MYO9A: variants seen among roughly 807,000 people sequenced by gnomAD.
The protein encoded by MYO9A is unconventional myosin-IXa.
A neutral mutation model predicts 293.3 loss-of-function variants in MYO9A; 103 were observed. The ratio of observed to expected loss-of-function variants is 0.35; its 90% confidence interval spans 0.30 to 0.41. The LOEUF (loss-of-function observed/expected upper bound fraction) is 0.41, where lower values mean the gene tolerates loss of function less well. Among genes scored for constraint, MYO9A ranks in the 10% least tolerant of loss-of-function variants. The pLI, the probability that MYO9A is intolerant of heterozygous loss-of-function variation, is 1.00. For synonymous variants in MYO9A, 1,001 were observed against 1,035.7 expected (o/e 0.97, Z 0.64); for missense variants, 2,685 against 3,033.0 (o/e 0.89, Z 2.69).
At chr15:71,883,384 A>G (rs2056930313) in intron 28 of MYO9A, among the ~76,000 whole-genome samples, 1 of 152,130 alleles carries the variant, frequency 6.6e-6, no homozygotes, top group Non-Finnish European at 1.5e-5. Context: ...TTGCTGCTTC[A>G]TTGTTTTGTG....
intron 3 of MYO9A, among the ~76,000 whole-genome samples, chr15:72,031,190 A>G (rs1174589147): frequency 6.6e-6 from 1 of 152,198 alleles, no homozygotes; most frequent in Non-Finnish European, 1.5e-5. Context: ...CCCTGGCACC[A>G]AAAAGGTTGG....
chr15:72,006,946 A>T (rs2077034553), intron 8 of MYO9A, among the ~76,000 whole-genome samples: 1 of 152,208 alleles, frequency 6.6e-6, no homozygotes, highest in Non-Finnish European at 1.5e-5. Flanking sequence ...ACTGGAATTA[A>T]ACAAATAAGT....
intron 1 of MYO9A, among the ~76,000 whole-genome samples, chr15:72,070,042 T>C (rs966901279): frequency 6.7e-6 from 1 of 148,242 alleles, no homozygotes; most frequent in Non-Finnish European, 1.5e-5. Flanking sequence ...GGCAGGGGAA[T>C]CACTTGAACC....
intron 13 of MYO9A, among the ~76,000 whole-genome samples, chr15:71,960,767 G>C (rs1015281795): frequency 2.0e-5 from 3 of 152,054 alleles, no homozygotes; most frequent in East Asian, 1.9e-4. Context: ...CTCTGGTCAG[G>C]GACAGCCTCT....
At chr15:72,082,590 C>T (rs1468744465) in intron 1 of MYO9A, among the ~76,000 whole-genome samples, 1 of 151,970 alleles carries the variant, frequency 6.6e-6, no homozygotes, top group Admixed American at 6.6e-5. Context: ...TTGAATTAGG[C>T]AGTGATGGAG....
chr15:71,851,218 C>G, intron 37 of MYO9A, 35 bp downstream of exon 37: 2 of 1,459,200 alleles, frequency 1.4e-6, no homozygotes, highest in Middle Eastern at 3.6e-4. Context: ...CCAAGAGAAA[C>G]TATTAAAAAT....
intron 4 of MYO9A, among the ~76,000 whole-genome samples, chr15:72,022,296 T>G (rs1044221003): frequency 2.6e-5 from 4 of 151,904 alleles, no homozygotes; most frequent in Non-Finnish European, 5.9e-5. Context: ...CTGAGGTGGG[T>G]GGATCACGAG....
intron 28 of MYO9A, among the ~76,000 whole-genome samples, chr15:71,882,331 AG>A (rs1305046787): frequency 6.6e-6 from 1 of 152,224 alleles, no homozygotes; most frequent in African/African-American, 2.4e-5. Context: ...ACCTGAGAAA[AG>A]GGCTTGAGAA....
At chr15:71,995,360 C>T (rs1193623774) in intron 9 of MYO9A, among the ~76,000 whole-genome samples, 1 of 152,122 alleles carries the variant, frequency 6.6e-6, no homozygotes, top group Non-Finnish European at 1.5e-5. Flanking sequence ...TTCGGCTTGT[C>T]ACCCATAGAA....
At chr15:72,103,241 C>CAGCAGCAGA in intron 1 of MYO9A, among the ~76,000 whole-genome samples, 1 of 145,898 alleles carries the variant, frequency 6.9e-6, no homozygotes, top group East Asian at 2.1e-4. Context: ...GCAGCAGAAG[C>CAGCAGCAGA]AGCAGCAGCA....
intron 18 of MYO9A, among the ~76,000 whole-genome samples, chr15:71,927,145 C>G (rs2058334348): frequency 6.6e-6 from 1 of 152,198 alleles, no homozygotes; most frequent in African/African-American, 2.4e-5. Flanking sequence ...GTAGGCTGAT[C>G]CTCAGGCCCT....
At chr15:71,901,385 G>C in intron 22 of MYO9A, 45 bp from the exon 23 acceptor site, 2 of 1,556,836 alleles carry the variant, frequency 1.3e-6, no homozygotes, top group Non-Finnish European at 1.7e-6. Flanking sequence ...AAGAAGAAAT[G>C]AGAAATTTAT....
At position 71,826,337 on chromosome 15, in the gene MYO9A, C is replaced by T. The variant is rs2054499881; in HGVS notation, c.*243G>A. On this transcript the variant is annotated 3_prime_UTR_variant, in exon 42 of 42. Coordinates refer to ENST00000356056, the MANE Select transcript of MYO9A (RefSeq NM_006901.4). The stretch of plus-strand genomic sequence containing the variant: ...ACCCAAATCCCCAGGCCCTAGGTGG[C>T]TTTGTATAGTAAAAATCTCAATTCA... 1 of 468,880 alleles carries T rather than the reference C, an allele frequency of 2.1e-6. No individual in the cohort carries two copies. Among genetic ancestry groups the T allele is most frequent in the African/African-American group, 2.0e-5 (1 of 50,626 alleles). The allele number at this position is 468,880 out of a possible 1,614,324, so 29.0% of individuals were successfully genotyped here.
intron 13 of MYO9A, among the ~76,000 whole-genome samples, chr15:71,964,515 C>G (rs2075821875): frequency 6.6e-6 from 1 of 151,502 alleles, no homozygotes. Flanking sequence ...GGCGCGATGG[C>G]TCACATCTGT....
chr15:71,854,630 C>T (rs1029074830), intron 34 of MYO9A, 61 bp from the exon 35 acceptor site: 15 of 1,330,594 alleles, frequency 1.1e-5, no homozygotes, highest in Non-Finnish European at 1.5e-5. Flanking sequence ...CATGTTTAAC[C>T]ATTTCTTTAC....
At chr15:71,905,762 CAA>C (rs3086807) in intron 19 of MYO9A, among the ~76,000 whole-genome samples, 1 of 71,908 alleles carries the variant, frequency 1.4e-5, no homozygotes, top group African/African-American at 6.0e-5. Flanking sequence ...GACTCTGTCT[CAA>C]AAAAAAAAAA....
chr15:71,948,302 G>C (rs1286815065), intron 15 of MYO9A, among the ~76,000 whole-genome samples: 3 of 152,042 alleles, frequency 2.0e-5, no homozygotes, highest in Non-Finnish European at 4.4e-5. Context: ...TATTAGTTCT[G>C]CCTTCTTTAT....
At chr15:72,109,283 G>A (rs1490044778) in intron 1 of MYO9A, among the ~76,000 whole-genome samples, 8 of 151,668 alleles carry the variant, frequency 5.3e-5, no homozygotes, top group South Asian at 2.1e-4. Flanking sequence ...CCAGCTACTC[G>A]GGAGGCTGAG....
At chr15:72,066,032 C>T (rs2079011068) in intron 1 of MYO9A, among the ~76,000 whole-genome samples, 1 of 152,214 alleles carries the variant, frequency 6.6e-6, no homozygotes, top group Non-Finnish European at 1.5e-5. Flanking sequence ...TGACTTCTTG[C>T]ATTTATGTTA....
Sources: gnomAD v4.1 joint callset for allele counts (sites outside exome capture counted in the v4.1 genomes callset) on GRCh38, gnomAD v4.1.1 for gene constraint, MANE v1.5 for transcripts, NCBI Gene and HGNC (gene_info 2026-07-23, HGNC 2026-07-21) for gene names.